CNTNAP4: variants seen among roughly 807,000 people sequenced by gnomAD.
CNTNAP4 encodes contactin-associated protein-like 4.
In CNTNAP4, 98 loss-of-function variants were observed where a neutral mutation model predicts 148.4. The observed-to-expected ratio is 0.66, with a 90% CI of 0.56 to 0.78. The LOEUF (loss-of-function observed/expected upper bound fraction) is 0.78. CNTNAP4 is among the 30% of genes least tolerant of loss of function. The probability of loss-of-function intolerance (pLI) is 0.00; values close to 1 mark genes in which losing one functional copy is unlikely to be tolerated. For synonymous variants in CNTNAP4, 730 were observed against 565.1 expected (o/e 1.29, Z -4.14); for missense variants, 1,935 against 1,565.6 (o/e 1.24, Z -3.98).
chr16:76,355,492 G>A lies in CNTNAP4; in HGVS notation c.371G>A (p.Arg124His), dbSNP rs560912690. The change falls in exon 3 of 24, where the codon CGC (arginine) becomes CAC (histidine). Residue 124 changes from arginine (R) to histidine (H), a missense_variant. Arg to His is a conservative substitution (Grantham distance 29). Transcript: ENST00000611870. ...SDSGWNWKQY[R>H]QEDSIWGFSG... ...AGTGGCTGGAACTGGAAACAATATC[G>A]CCAAGAGGACAGCATCTGGGTATGT... The A allele has an allele frequency of 1.0e-4, 165 of 1,608,042 alleles. 1 individual carries two copies. The South Asian group carries it at 1.5e-3, about 15-fold the overall frequency.
At chr16:76,529,313 C>T (rs1315739369) in intron 17 of CNTNAP4, among the ~76,000 whole-genome samples, 1 of 151,966 alleles carries the variant, frequency 6.6e-6, no homozygotes, top group Non-Finnish European at 1.5e-5. Context: ...TTATTGTCTT[C>T]TAAAAAATGT....
At chr16:76,495,277 A>C (rs954967361) in intron 14 of CNTNAP4, 24 of 352,032 alleles carry the variant, frequency 6.8e-5, no homozygotes, top group Non-Finnish European at 1.0e-4. Context: ...ACCATAAGTC[A>C]TGTATATTTT....
chr16:76,506,642 T>C (rs1268829806), intron 15 of CNTNAP4, among the ~76,000 whole-genome samples: 1 of 93,662 alleles, frequency 1.1e-5, no homozygotes, highest in African/African-American at 2.6e-5. Flanking sequence ...AGTTAATTTT[T>C]GTGTTTTTAG....
chr16:76,411,325 G>A (rs1329992006), intron 3 of CNTNAP4, among the ~76,000 whole-genome samples: 1 of 151,306 alleles, frequency 6.6e-6, no homozygotes, highest in Non-Finnish European at 1.5e-5. Context: ...TTTTGAAGTA[G>A]ACTGAAGGCT....
intron 10 of CNTNAP4, among the ~76,000 whole-genome samples, chr16:76,474,031 C>A (rs968848492): frequency 6.6e-6 from 1 of 152,094 alleles, no homozygotes; most frequent in Non-Finnish European, 1.5e-5. Context: ...CTGTTTGCTG[C>A]ACCTGTAAGC....
At chr16:76,292,351 T>C (rs577518261) in intron 1 of CNTNAP4, among the ~76,000 whole-genome samples, 119 of 152,336 alleles carry the variant, frequency 7.8e-4, no homozygotes, top group Non-Finnish European at 1.4e-3. Flanking sequence ...GAACCTGTGG[T>C]GGTGGGTACA....
At chr16:76,484,717 C>G (rs966220429) in intron 12 of CNTNAP4, among the ~76,000 whole-genome samples, 1 of 152,154 alleles carries the variant, frequency 6.6e-6, no homozygotes, top group African/African-American at 2.4e-5. Flanking sequence ...GCACTGGTCT[C>G]TTTTCTCACA....
chr16:76,412,218 A>T (rs1319328380), intron 3 of CNTNAP4, among the ~76,000 whole-genome samples: 2 of 151,412 alleles, frequency 1.3e-5, no homozygotes, highest in Admixed American at 6.6e-5. Context: ...ATAATTTAAA[A>T]ATATAGCAGT....
At chr16:76,551,027 T>C (rs1434777201) in intron 21 of CNTNAP4, among the ~76,000 whole-genome samples, 14 of 152,198 alleles carry the variant, frequency 9.2e-5, no homozygotes, top group Admixed American at 9.2e-4. Flanking sequence ...TAGAGGATGA[T>C]ATTCAAAATA....
At chr16:76,309,110 T>C (rs957571700) in intron 1 of CNTNAP4, among the ~76,000 whole-genome samples, 1 of 152,062 alleles carries the variant, frequency 6.6e-6, no homozygotes, top group African/African-American at 2.4e-5. Flanking sequence ...TGGCCTATAA[T>C]ACTTTTTACC....
chr16:76,366,622 T>A (rs1017275282), intron 3 of CNTNAP4, among the ~76,000 whole-genome samples: 1 of 152,190 alleles, frequency 6.6e-6, no homozygotes, highest in African/African-American at 2.4e-5. Flanking sequence ...TGTGGTAGAA[T>A]GATTTCTACT....
At chr16:76,448,659 A>G in intron 5 of CNTNAP4, 108 bp from the exon 6 acceptor site, 1 of 758,504 alleles carries the variant, frequency 1.3e-6, no homozygotes, top group Non-Finnish European at 2.1e-6. Flanking sequence ...CGGAATGCGT[A>G]GAAGGAGATT....
intron 3 of CNTNAP4, among the ~76,000 whole-genome samples, chr16:76,357,432 G>A (rs1490186041): frequency 2.6e-5 from 4 of 152,194 alleles, no homozygotes; most frequent in South Asian, 2.1e-4. Context: ...AAGTTGAGGC[G>A]CTCATGGTGA....
intron 8 of CNTNAP4, among the ~76,000 whole-genome samples, chr16:76,459,101 G>A (rs746853771): frequency 4.6e-5 from 7 of 152,194 alleles, no homozygotes; most frequent in Non-Finnish European, 1.0e-4. Context: ...AATGAAATAA[G>A]AGAAGTAGAG....
In CNTNAP4 at chr16:76,316,632, G is replaced by A. The variant is rs763332512; in HGVS notation, c.196+109G>A. ...TACATGGTAAAAGAAAGTAAATTTC[G>A]AAATAAGCAAATGGTTAAAACTCAT... On this transcript the variant is annotated intron_variant, in intron 2 of 23. Transcript: ENST00000611870. 1.1e-4 allele frequency: 84 copies of A among 738,814 alleles called. 2 individuals carry two copies. The highest frequency in any genetic ancestry group is 3.6e-4 in the South Asian group (21 of 58,806). 45.8% of individuals were successfully genotyped at this position (738,814 alleles called of 1,614,324 possible).
chr16:76,386,505 T>G (rs183176601), intron 3 of CNTNAP4, among the ~76,000 whole-genome samples: 73 of 152,332 alleles, frequency 4.8e-4, no homozygotes, highest in African/African-American at 1.7e-3. Flanking sequence ...CTCCAGACTT[T>G]CCCAGATTTA....
At chr16:76,449,957 G>C (rs1304542330) in intron 7 of CNTNAP4, 99 bp downstream of exon 7, 32 of 979,574 alleles carry the variant, frequency 3.3e-5, no homozygotes, top group Non-Finnish European at 4.4e-5. Context: ...TGGGGTTTTA[G>C]AGGTACTCTT....
intron 12 of CNTNAP4, among the ~76,000 whole-genome samples, chr16:76,485,199 C>A (rs2081986200): frequency 6.6e-6 from 1 of 152,132 alleles, no homozygotes; most frequent in South Asian, 2.1e-4. Flanking sequence ...CTGGTCTAAA[C>A]CTCCGCCTCC....
At chr16:76,333,527 T>C (rs1334139112) in intron 2 of CNTNAP4, among the ~76,000 whole-genome samples, 2 of 152,194 alleles carry the variant, frequency 1.3e-5, no homozygotes, top group Non-Finnish European at 2.9e-5. Flanking sequence ...TTGTTTCCTT[T>C]AGCTCTTTGA....
Sources: allele counts gnomAD v4.1 joint callset (sites outside exome capture counted in the v4.1 genomes callset), GRCh38; gene constraint gnomAD v4.1.1; transcripts MANE v1.5; gene names NCBI Gene and HGNC (gene_info 2026-07-23, HGNC 2026-07-21).